Variants in AOAH observed in about 807,000 individuals in gnomAD.
The protein encoded by AOAH is acyloxyacyl hydrolase (neutrophil).
Under a neutral mutation model 92.2 loss-of-function variants are expected in AOAH, and 64 were observed. The ratio of observed to expected loss-of-function variants is 0.69; its 90% CI spans 0.57 to 0.86. AOAH has a LOEUF of 0.86. Ranked by LOEUF, AOAH falls within the 40% of genes least tolerant of loss-of-function variation. The pLI is 0.00. For missense variants in AOAH, 656 were observed against 694.6 expected, an observed-to-expected ratio of 0.94 and a Z score of 0.62; for synonymous variants, 263 against 254.5, an observed-to-expected ratio of 1.03 and a Z score of -0.32.
At chr7:36,668,548 G>A (rs1159319365) in intron 3 of AOAH, among the ~76,000 whole-genome samples, 4 of 152,148 alleles carry the variant, frequency 2.6e-5, no homozygotes, top group African/African-American at 7.2e-5. Context: ...GTGCAATGGC[G>A]CTATCTCAGC....
chr7:36,589,475 A>G (rs1196141354), intron 12 of AOAH, among the ~76,000 whole-genome samples: 10 of 152,224 alleles, frequency 6.6e-5, no homozygotes, highest in Admixed American at 5.9e-4. Flanking sequence ...GTTAAGGAGT[A>G]GGGGAAGACA....
intron 13 of AOAH, among the ~76,000 whole-genome samples, chr7:36,557,261 T>C (rs1415293344): frequency 6.6e-6 from 1 of 152,208 alleles, no homozygotes; most frequent in Non-Finnish European, 1.5e-5. Flanking sequence ...TTTGGCTGGA[T>C]ATGAAATTCT....
chr7:36,541,663 T>C (rs1198174025), intron 15 of AOAH, among the ~76,000 whole-genome samples: 2 of 152,252 alleles, frequency 1.3e-5, no homozygotes. Flanking sequence ...AATATATCCA[T>C]GCAATGAACT....
chr7:36,653,771 G>A (rs1005138089), intron 4 of AOAH, among the ~76,000 whole-genome samples: 4 of 152,184 alleles, frequency 2.6e-5, no homozygotes, highest in African/African-American at 9.7e-5. Flanking sequence ...TCTTGAGTGT[G>A]CCTTGGAGAT....
intron 13 of AOAH, among the ~76,000 whole-genome samples, chr7:36,562,636 C>T (rs1787359043): frequency 6.6e-6 from 1 of 152,118 alleles, no homozygotes; most frequent in Non-Finnish European, 1.5e-5. Flanking sequence ...CACATAATCC[C>T]AGCATTGGTT....
chr7:36,692,243 G>T (rs888799346), intron 1 of AOAH, among the ~76,000 whole-genome samples: 1 of 152,134 alleles, frequency 6.6e-6, no homozygotes, highest in Non-Finnish European at 1.5e-5. Flanking sequence ...TTCCTCTCCC[G>T]TCTACTAAGG....
In AOAH at chr7:36,540,406, G is replaced by T. The variant is rs749523052; in HGVS notation, c.1219C>A (p.Leu407Met). 4.2e-5 allele frequency: 68 copies of T among 1,613,984 alleles called. 1 individual carries two copies. Among genetic ancestry groups the T allele is most frequent in the Non-Finnish European group, 5.6e-5 (66 of 1,179,972 alleles). ...AAAATAACATGGCTGCCATTGGGCA[G>T]GTGGGAATTTAGATGCTTCAGAGTC... ...MQTLKHLNSH[L>M]PNGSHVILYG... Residue 407 changes from leucine to methionine, a missense_variant, in exon 16 of 21, where the codon CTG becomes ATG. By Grantham distance (15) the Leu-to-Met change is conservative. Transcript: ENST00000617537.
intron 12 of AOAH, among the ~76,000 whole-genome samples, chr7:36,581,919 A>G (rs1410756099): frequency 6.6e-6 from 1 of 152,184 alleles, no homozygotes; most frequent in Non-Finnish European, 1.5e-5. Flanking sequence ...TCTCTCTTAT[A>G]TATTTTAGGA....
chr7:36,517,916 AAC>A (rs1045982741), intron 20 of AOAH, among the ~76,000 whole-genome samples: 8 of 137,068 alleles, frequency 5.8e-5, no homozygotes, highest in African/African-American at 2.3e-4. Context: ...TTTATATCTG[AAC>A]ACACACACAC....
At chr7:36,673,393 C>T (rs768597382) in intron 3 of AOAH, among the ~76,000 whole-genome samples, 7 of 110,670 alleles carry the variant, frequency 6.3e-5, no homozygotes, top group Non-Finnish European at 1.1e-4. Flanking sequence ...CAAAAATTAG[C>T]CGGTGTGGTG....
chr7:36,641,411 G>T (rs1443747780), intron 4 of AOAH, among the ~76,000 whole-genome samples: 1 of 152,092 alleles, frequency 6.6e-6, no homozygotes, highest in African/African-American at 2.4e-5. Context: ...CCTGGGCAGG[G>T]GCTTCGGGCT....
rs1237216957 is a variant in AOAH, at chr7:36,513,258, C to G, written c.1722G>C (p.Gly574=). The G allele has an allele frequency of 4.3e-6, 7 of 1,614,050 alleles. No homozygotes were observed. The highest frequency in any genetic ancestry group is 5.1e-6 in the Non-Finnish European group (6 of 1,180,020). Residue 574 remains glycine (G), a synonymous_variant, in exon 21 of 21, where the codon GGG becomes GGC. Transcript: ENST00000617537. ...QIKQVFGDQG[G]H ...GTGCATGCTCCTGAGAGGCTCAGTG[C>G]CCGCCTTGGTCTCCAAACACCTGTT...
At chr7:36,678,587 GTGTGTGTGTGTGT>G (rs1796421877) in intron 2 of AOAH, among the ~76,000 whole-genome samples, 1 of 142,328 alleles carries the variant, frequency 7.0e-6, no homozygotes, top group African/African-American at 2.7e-5. Context: ...GTGTGTGTGT[GTGTGTGTGTGTGT>G]GCGCGCGCGC....
chr7:36,715,518 T>G (rs1332891357), intron 1 of AOAH, among the ~76,000 whole-genome samples: 1 of 150,654 alleles, frequency 6.6e-6, no homozygotes, highest in Non-Finnish European at 1.5e-5. Context: ...CATTGCCAAG[T>G]CAATCCTAAG....
intron 1 of AOAH, among the ~76,000 whole-genome samples, chr7:36,713,950 A>G (rs1199476190): frequency 6.6e-6 from 1 of 152,216 alleles, no homozygotes; most frequent in South Asian, 2.1e-4. Context: ...TTCAAAAGCT[A>G]GCAGAAGGCA....
intron 11 of AOAH, among the ~76,000 whole-genome samples, chr7:36,605,215 T>C (rs1030283659): frequency 6.6e-5 from 10 of 152,160 alleles, no homozygotes; most frequent in Middle Eastern, 3.4e-3. Context: ...CTACTCCCAC[T>C]CCTCCTAAGG....
intron 4 of AOAH, among the ~76,000 whole-genome samples, chr7:36,652,091 G>T (rs1794611482): frequency 6.6e-6 from 1 of 152,134 alleles, no homozygotes; most frequent in Non-Finnish European, 1.5e-5. Context: ...AAAGGAACCA[G>T]GTCTCCTTCG....
At chr7:36,632,887 T>C (rs1485104842) in intron 5 of AOAH, among the ~76,000 whole-genome samples, 1 of 152,118 alleles carries the variant, frequency 6.6e-6, no homozygotes, top group Non-Finnish European at 1.5e-5. Flanking sequence ...ATAAATGAGG[T>C]ACTTAAGGAT....
intron 20 of AOAH, chr7:36,514,321 C>G: frequency 1.7e-6 from 1 of 603,902 alleles, no homozygotes; most frequent in Admixed American, 2.9e-5. Context: ...CTACAGGTGC[C>G]TGGGAGTGGA....
Sources: gnomAD v4.1 joint callset for allele counts (sites outside exome capture counted in the v4.1 genomes callset) on GRCh38, gnomAD v4.1.1 for gene constraint, MANE v1.5 for transcripts, NCBI Gene and HGNC (gene_info 2026-07-23, HGNC 2026-07-21) for gene names.